Variants in TAFA1 observed in about 807,000 individuals in gnomAD.
TAFA1 encodes chemokine-like protein TAFA-1.
In TAFA1, 4 loss-of-function variants were observed where a neutral mutation model predicts 18.5. The ratio of observed to expected loss-of-function variants is 0.22; its 90% CI spans 0.11 to 0.49. TAFA1 has a LOEUF of 0.49. Among genes scored for constraint, TAFA1 ranks in the 20% least tolerant of loss-of-function variants. The pLI, the probability that TAFA1 is intolerant of heterozygous loss-of-function variation, is 0.98. For synonymous variants in TAFA1, 56 were observed against 55.2 expected (o/e 1.01, Z -0.06); for missense variants, 147 against 169.0 (o/e 0.87, Z 0.72).
intron 2 of TAFA1, among the ~76,000 whole-genome samples, chr3:68,349,718 G>T (rs2069231188): frequency 6.6e-6 from 1 of 152,060 alleles, no homozygotes; most frequent in South Asian, 2.1e-4. Flanking sequence ...AATGAATGGG[G>T]GTGTGGCTGT....
intron 3 of TAFA1, among the ~76,000 whole-genome samples, chr3:68,512,582 TCTTA>T (rs1198294867): frequency 6.6e-6 from 1 of 152,126 alleles, no homozygotes; most frequent in African/African-American, 2.4e-5. Flanking sequence ...GAGCATGTTA[TCTTA>T]CTTAATCAGC....
intron 3 of TAFA1, among the ~76,000 whole-genome samples, chr3:68,453,719 G>A (rs1231040387): frequency 6.6e-6 from 1 of 152,164 alleles, no homozygotes; most frequent in African/African-American, 2.4e-5. Flanking sequence ...TAATTTTTGA[G>A]GAACTATTTG....
At chr3:68,346,128 G>A (rs962511352) in intron 2 of TAFA1, among the ~76,000 whole-genome samples, 14 of 152,094 alleles carry the variant, frequency 9.2e-5, no homozygotes, top group African/African-American at 3.1e-4. Flanking sequence ...CTACTCAGAT[G>A]GAATTAAGTT....
chr3:68,257,871 C>T (rs901335010), intron 2 of TAFA1, among the ~76,000 whole-genome samples: 10 of 152,074 alleles, frequency 6.6e-5, no homozygotes, highest in Admixed American at 5.9e-4. Flanking sequence ...TATCATGTGC[C>T]CCCTGATTTC....
rs558123724 is a variant in TAFA1, at chr3:68,122,893, A to C, written c.118+116149A>C. On this transcript the variant is annotated intron_variant, in intron 2 of 4. Transcript: ENST00000478136. The stretch of plus-strand genomic sequence containing the variant: ...ATATGTGCATCTGTATTTTACATCT[A>C]TATATATTAAATATGTATATGTTTT... Among the ~76,000 whole-genome samples the C allele has an allele frequency of 3.3e-5, 5 of 151,684 alleles. No homozygotes were observed. The South Asian group carries it at 6.2e-4, about 19-fold the overall frequency.
At chr3:68,322,832 A>G (rs1187373178) in intron 2 of TAFA1, among the ~76,000 whole-genome samples, 1 of 152,116 alleles carries the variant, frequency 6.6e-6, no homozygotes, top group East Asian at 1.9e-4. Flanking sequence ...AATCCCAGCT[A>G]CTCAGGAGGC....
At chr3:68,224,090 C>T (rs1161906197) in intron 2 of TAFA1, among the ~76,000 whole-genome samples, 1 of 151,532 alleles carries the variant, frequency 6.6e-6, no homozygotes, top group Non-Finnish European at 1.5e-5. Flanking sequence ...TTTCTTCCTC[C>T]CTGAATGATG....
intron 2 of TAFA1, among the ~76,000 whole-genome samples, chr3:68,107,144 T>C (rs2065213028): frequency 6.6e-6 from 1 of 152,072 alleles, no homozygotes; most frequent in East Asian, 1.9e-4. Flanking sequence ...AGTGATGCCA[T>C]GTTGGGAGAC....
At chr3:68,301,418 T>C (rs1292984534) in intron 2 of TAFA1, among the ~76,000 whole-genome samples, 1 of 152,172 alleles carries the variant, frequency 6.6e-6, no homozygotes, top group East Asian at 1.9e-4. Flanking sequence ...ACCTTTAACT[T>C]GCTTGAGCAA....
chr3:68,033,351 C>T (rs139238078), intron 2 of TAFA1, among the ~76,000 whole-genome samples: 47 of 152,290 alleles, frequency 3.1e-4, no homozygotes, highest in Non-Finnish European at 5.4e-4. Flanking sequence ...ATATCTGGAA[C>T]ATTCTACCTC....
intron 2 of TAFA1, among the ~76,000 whole-genome samples, chr3:68,015,606 T>C (rs909382445): frequency 2.6e-5 from 4 of 152,186 alleles, no homozygotes; most frequent in Admixed American, 1.3e-4. Flanking sequence ...TTCTTGATTA[T>C]GGTTGGGAAA....
At chr3:68,258,389 G>T (rs568879698) in intron 2 of TAFA1, among the ~76,000 whole-genome samples, 1 of 152,150 alleles carries the variant, frequency 6.6e-6, no homozygotes, top group Admixed American at 6.6e-5. Flanking sequence ...GCTTCAATTG[G>T]TCAGGACTTG....
intron 2 of TAFA1, among the ~76,000 whole-genome samples, chr3:68,176,013 T>G (rs1015101647): frequency 2.6e-5 from 4 of 152,134 alleles, no homozygotes; most frequent in African/African-American, 9.7e-5. Context: ...CTGCACAAGC[T>G]TTTTCTTTGC....
At chr3:68,087,950 G>A (rs555056008) in intron 2 of TAFA1, among the ~76,000 whole-genome samples, 1 of 151,850 alleles carries the variant, frequency 6.6e-6, no homozygotes, top group Non-Finnish European at 1.5e-5. Context: ...CTGATACTGT[G>A]TGCCAGGTTC....
At chr3:68,174,554 C>T (rs1222361503) in intron 2 of TAFA1, among the ~76,000 whole-genome samples, 1 of 152,134 alleles carries the variant, frequency 6.6e-6, no homozygotes, top group Non-Finnish European at 1.5e-5. Flanking sequence ...AGACTGGCAG[C>T]ATTTTGCCCC....
intron 2 of TAFA1, among the ~76,000 whole-genome samples, chr3:68,108,094 T>G (rs2065223490): frequency 6.6e-6 from 1 of 152,278 alleles, no homozygotes; most frequent in South Asian, 2.1e-4. Flanking sequence ...TTAAGGATTT[T>G]ATAAAAATCA....
intron 2 of TAFA1, among the ~76,000 whole-genome samples, chr3:68,333,343 G>A (rs2068913773): frequency 6.6e-6 from 1 of 152,162 alleles, no homozygotes; most frequent in Admixed American, 6.5e-5. Flanking sequence ...CAGCAATGTG[G>A]ATGAAGGTAG....
intron 2 of TAFA1, among the ~76,000 whole-genome samples, chr3:68,082,929 A>C (rs1423325977): frequency 6.6e-6 from 1 of 152,224 alleles, no homozygotes; most frequent in Non-Finnish European, 1.5e-5. Context: ...TGGTTTATCC[A>C]CTTCTCCATA....
At chr3:68,035,503 C>A (rs942718417) in intron 2 of TAFA1, among the ~76,000 whole-genome samples, 7 of 152,040 alleles carry the variant, frequency 4.6e-5, no homozygotes, top group Admixed American at 6.6e-5. Context: ...AGTATCTCAT[C>A]TAAAAAATTC....
Sources: gnomAD v4.1 joint callset for allele counts (sites outside exome capture counted in the v4.1 genomes callset) on GRCh38, gnomAD v4.1.1 for gene constraint, MANE v1.5 for transcripts, NCBI Gene and HGNC (gene_info 2026-07-23, HGNC 2026-07-21) for gene names.